The following ATE1 variants were observed in gnomAD, a reference collection of about 807,000 sequenced individuals.
ATE1 encodes arginyl-tRNA--protein transferase 1.
Under a neutral mutation model 70.5 loss-of-function variants are expected in ATE1, and 36 were observed. The ratio of observed to expected loss-of-function variants is 0.51; its 90% CI spans 0.39 to 0.67. The LOEUF (loss-of-function observed/expected upper bound fraction) is 0.67. Among genes scored for constraint, ATE1 ranks in the 30% least tolerant of loss-of-function variants. ATE1 has a pLI of 0.00. For synonymous variants in ATE1, 232 were observed against 219.3 expected, an observed-to-expected ratio of 1.06 and a Z score of -0.51; for missense variants, 593 against 629.5, an observed-to-expected ratio of 0.94 and a Z score of 0.62.
rs535984552 is a variant in ATE1 at position 121,794,774 on chromosome 10, C to CA, written c.1258-4486dup. 6.3e-3 allele frequency among the ~76,000 whole-genome samples: 959 copies of CA among 151,400 alleles called. 11 individuals are homozygous for CA. Among genetic ancestry groups the CA allele is most frequent in the African/African-American group, 0.022 (919 of 41,254 alleles). ...TAAGGTGGAACTGAATGCTCACTGG[C>CA]AAAAAAAGCACAGGACAAATATCGA... On this transcript the variant is annotated intron_variant, in intron 10 of 11. Transcript: ENST00000224652.
intron 10 of ATE1, among the ~76,000 whole-genome samples, chr10:121,820,791 A>G (rs920880305): frequency 2.0e-5 from 3 of 152,254 alleles, no homozygotes; most frequent in African/African-American, 7.2e-5. Flanking sequence ...TGATATATGC[A>G]TGGCAGTGTC....
chr10:121,862,787 C>T (rs1296301233), intron 8 of ATE1, among the ~76,000 whole-genome samples: 9 of 152,082 alleles, frequency 5.9e-5, no homozygotes, highest in Admixed American at 5.9e-4. Flanking sequence ...CAGATGGCAT[C>T]AAAAGTGACC....
intron 11 of ATE1, among the ~76,000 whole-genome samples, chr10:121,786,211 T>G (rs1375308790): frequency 1.4e-5 from 2 of 141,512 alleles, no homozygotes; most frequent in African/African-American, 2.7e-5. Context: ...AGTTTTTTTT[T>G]TTTTTTTTTT....
chr10:121,912,605 T>C (rs1186709560), intron 4 of ATE1, among the ~76,000 whole-genome samples: 2 of 151,616 alleles, frequency 1.3e-5, no homozygotes, highest in South Asian at 2.1e-4. Flanking sequence ...TGAGCCAAGA[T>C]TGAGCCACTG....
At chr10:121,909,541 CAA>C (rs1191573089) in intron 5 of ATE1, among the ~76,000 whole-genome samples, 1 of 151,920 alleles carries the variant, frequency 6.6e-6, no homozygotes, top group Non-Finnish European at 1.5e-5. Context: ...CTAGATGAAA[CAA>C]GAGTGGCTAT....
chr10:121,918,332 C>CA (rs1256639168), intron 3 of ATE1, among the ~76,000 whole-genome samples: 1,703 of 79,632 alleles, frequency 0.021, 14 homozygotes, highest in African/African-American at 0.062. Flanking sequence ...GATTCTGTCT[C>CA]AAAAAAAAAA....
chr10:121,791,047 T>G (rs1946421275), intron 10 of ATE1, among the ~76,000 whole-genome samples: 1 of 132,728 alleles, frequency 7.5e-6, no homozygotes, highest in Non-Finnish European at 1.6e-5. Context: ...TGTGTATATA[T>G]ATGTATACGT....
chr10:121,832,617 A>G (rs529951657), intron 10 of ATE1, among the ~76,000 whole-genome samples: 2 of 151,870 alleles, frequency 1.3e-5, no homozygotes, highest in Admixed American at 6.6e-5. Flanking sequence ...CATCTTCCTC[A>G]TTTTCTCTTG....
chr10:121,888,791 C>T (rs554529554), intron 7 of ATE1, among the ~76,000 whole-genome samples: 55 of 152,258 alleles, frequency 3.6e-4, no homozygotes, highest in African/African-American at 1.3e-3. Flanking sequence ...AAACACTATA[C>T]AGCGATGAGA....
At chr10:121,903,983 TTC>T (rs1445450188) in intron 5 of ATE1, among the ~76,000 whole-genome samples, 2 of 148,002 alleles carry the variant, frequency 1.4e-5, no homozygotes, top group East Asian at 4.1e-4. Flanking sequence ...TCTCCAAATT[TTC>T]TTTTTTTTTT....
At chr10:121,921,780 C>G (rs1029371972) in intron 3 of ATE1, among the ~76,000 whole-genome samples, 2 of 152,180 alleles carry the variant, frequency 1.3e-5, no homozygotes, top group Admixed American at 6.5e-5. Context: ...AGCCCACCCC[C>G]TTCTGTGAAC....
intron 7 of ATE1, among the ~76,000 whole-genome samples, chr10:121,873,197 A>G (rs1328442583): frequency 1.3e-5 from 2 of 152,182 alleles, no homozygotes; most frequent in Admixed American, 6.5e-5. Flanking sequence ...TTCACTTGAT[A>G]AAATTTATAA....
chr10:121,856,359 G>A (rs1447212922), intron 8 of ATE1, among the ~76,000 whole-genome samples: 2 of 151,518 alleles, frequency 1.3e-5, no homozygotes, highest in Admixed American at 6.6e-5. Flanking sequence ...AAGAAATCCC[G>A]TCTCTACTAA....
At chr10:121,866,054 A>G (rs1041337113) in intron 8 of ATE1, among the ~76,000 whole-genome samples, 3 of 152,262 alleles carry the variant, frequency 2.0e-5, no homozygotes, top group African/African-American at 7.2e-5. Flanking sequence ...GGTATAGACC[A>G]TATTTGTAAT....
At chr10:121,766,290 T>C (rs142596207) in intron 11 of ATE1, among the ~76,000 whole-genome samples, 2 of 152,252 alleles carry the variant, frequency 1.3e-5, no homozygotes, top group East Asian at 1.9e-4. Flanking sequence ...ACAGCTAAAA[T>C]AAGGGTGATC....
chr10:121,906,743 C>T (rs1951211164), intron 5 of ATE1, among the ~76,000 whole-genome samples: 2 of 151,966 alleles, frequency 1.3e-5, no homozygotes, highest in African/African-American at 4.8e-5. Context: ...GGATTTCCGA[C>T]ACGCACCTCT....
chr10:121,851,615 T>C (rs1949060319), intron 8 of ATE1, among the ~76,000 whole-genome samples: 1 of 152,200 alleles, frequency 6.6e-6, no homozygotes, highest in South Asian at 2.1e-4. Context: ...GTCTACAAAA[T>C]TACATGAGTA....
chr10:121,819,520 T>C (rs1179320505), intron 10 of ATE1, among the ~76,000 whole-genome samples: 28 of 151,526 alleles, frequency 1.8e-4, no homozygotes, highest in African/African-American at 6.3e-4. Flanking sequence ...CTGGCTAACA[T>C]GGTGAAACCC....
intron 7 of ATE1, among the ~76,000 whole-genome samples, chr10:121,880,434 T>A (rs1239801057): frequency 1.3e-5 from 2 of 152,018 alleles, no homozygotes; most frequent in Admixed American, 1.3e-4. Flanking sequence ...TGCCCCGAAT[T>A]AAATGATTAT....
Sources: gnomAD v4.1 joint callset for allele counts (sites outside exome capture counted in the v4.1 genomes callset) on GRCh38, gnomAD v4.1.1 for gene constraint, MANE v1.5 for transcripts, NCBI Gene and HGNC (gene_info 2026-07-23, HGNC 2026-07-21) for gene names.